The following ADAMTS7 variants were observed in gnomAD, a reference collection of about 807,000 sequenced individuals.
ADAMTS7 encodes the protein ADAM metallopeptidase with thrombospondin type 1 motif 7, also known as A disintegrin and metalloproteinase with thrombospondin motifs 7.
In ADAMTS7, 89 loss-of-function variants were observed where a neutral mutation model predicts 172.6. The ratio of observed to expected loss-of-function variants is 0.52; its 90% confidence interval spans 0.43 to 0.61. The LOEUF (loss-of-function observed/expected upper bound fraction) is 0.61. ADAMTS7 is among the 20% of genes least tolerant of loss of function. ADAMTS7 has a pLI of 0.00. For missense variants in ADAMTS7, 1,973 were observed against 2,355.6 expected, an observed-to-expected ratio of 0.84 and a Z score of 3.36; for synonymous variants, 885 against 978.4, an observed-to-expected ratio of 0.90 and a Z score of 1.78.
rs367561272 is a variant in ADAMTS7 at position 78,759,426 on chromosome 15, G to A, written c.5056C>T (p.Arg1686Cys). 52 of 1,593,062 alleles carry A rather than the reference G, an allele frequency of 3.3e-5. No individual in the cohort carries two copies. The highest frequency in any genetic ancestry group is 4.4e-5 in the South Asian group (4 of 89,918). ...PSRGHQRVAR[R>C] Reference sequence around the variant, plus strand: ...GTCTGTGCATCCTGGCGCAGTCAGCGGCGGGCAACCCGCTGATGGCCTCGG... The same window carrying A: ...GTCTGTGCATCCTGGCGCAGTCAGCAGCGGGCAACCCGCTGATGGCCTCGG... Residue 1686 changes from arginine (R) to cysteine (C), a missense_variant, in exon 24 of 24, where the codon CGC becomes TGC. Arg to Cys is a radical substitution (Grantham distance 180). Around this residue, in one of 8 missense-constraint regions of ADAMTS7, gnomAD observed 94 missense variants for 95.4 expected, o/e 0.99. Coordinates refer to ENST00000388820, the MANE Select transcript of ADAMTS7 (RefSeq NM_014272.5).
chr15:78,776,205 C>A lies in ADAMTS7; in HGVS notation c.1689G>T (p.Arg563=). 6.2e-7 allele frequency: 1 copy of A among 1,611,006 alleles called. No homozygotes were observed. Among genetic ancestry groups the A allele is most frequent in the Non-Finnish European group, 8.5e-7 (1 of 1,179,582 alleles). Residue 563 remains arginine (R), a synonymous_variant, in exon 11 of 24, where the codon CGG becomes CGT. Coordinates refer to ENST00000388820, the MANE Select transcript of ADAMTS7 (RefSeq NM_014272.5). ...ACACTCACGTAGGCTGCGTGCACTG[C>A]CGCTCGGCGCTCTGTACGCCCATGC... The part of the protein sequence containing the change: ...SCGMGVQSAE[R]QCTQPTPKYK...
intron 1 of ADAMTS7, among the ~76,000 whole-genome samples, chr15:78,807,034 T>C (rs545665726): frequency 6.6e-6 from 1 of 152,364 alleles, no homozygotes; most frequent in Non-Finnish European, 1.5e-5. Context: ...CCCAAAGTAC[T>C]GGGATTACAG....
chr15:78,763,016 G>T (rs78874784), intron 22 of ADAMTS7, among the ~76,000 whole-genome samples: 1,589 of 152,318 alleles, frequency 0.01, 56 homozygotes, highest in South Asian at 0.086. Flanking sequence ...AGCCCGCCAG[G>T]CTTCGTTGTT....
At position 78,782,092 on chromosome 15, in the gene ADAMTS7, T is replaced by C. The variant is rs865888917; in HGVS notation, c.1323-4504A>G. Reference sequence around the variant, plus strand: ...TGTCGCCCAAGCTGAACTGCAGTGGTGTGATCTTGGCTCACTGCAACCTCC... The same window carrying C: ...TGTCGCCCAAGCTGAACTGCAGTGGCGTGATCTTGGCTCACTGCAACCTCC... On this transcript the variant is annotated intron_variant, in intron 8 of 23. Coordinates refer to ENST00000388820, the MANE Select transcript of ADAMTS7 (RefSeq NM_014272.5). 7.9e-5 allele frequency among the ~76,000 whole-genome samples: 12 copies of C among 151,956 alleles called. No homozygotes were observed. In the Middle Eastern group the frequency reaches 0.014, roughly 172 times the overall value.
intron 1 of ADAMTS7, among the ~76,000 whole-genome samples, chr15:78,808,175 A>C (rs2055820733): frequency 6.6e-6 from 1 of 152,108 alleles, no homozygotes; most frequent in Non-Finnish European, 1.5e-5. Context: ...TTTTTCAATC[A>C]ACAATAAAAG....
chr15:78,774,209 C>T lies in ADAMTS7; in HGVS notation c.1968G>A (p.Gln656=). The T allele has an allele frequency of 6.3e-7, 1 of 1,590,332 alleles. No individual in the cohort carries two copies. The highest frequency in any genetic ancestry group is 1.1e-5 in the South Asian group (1 of 89,400). The change falls in exon 13 of 24, where the codon CAG becomes CAA. Residue 656 remains glutamine (Q), a synonymous_variant. Transcript: ENST00000388820. ...TGCAGAGGTCCCGGCTGGCTCGGAC[C>T]TGGTAGCAGGGGGTGCCATCGACCA... ...DAVVDGTPCY[Q]VRASRDLCIN... is the part of the protein sequence containing the mutation.
intron 16 of ADAMTS7, among the ~76,000 whole-genome samples, chr15:78,769,426 G>A (rs2055210924): frequency 1.3e-5 from 2 of 152,186 alleles, no homozygotes; most frequent in South Asian, 4.1e-4. Context: ...GACAGCAATG[G>A]GACCTGCTGA....
chr15:78,788,460 G>C, intron 7 of ADAMTS7, 86 bp from the exon 8 acceptor site: 1 of 1,516,062 alleles, frequency 6.6e-7, no homozygotes, highest in East Asian at 2.3e-5. Flanking sequence ...AAGGTGCGCA[G>C]TCCTAGTTCC....
In ADAMTS7 at chr15:78,771,729, C is replaced by T. The variant is rs149694045; in HGVS notation, c.2232G>A (p.Pro744=). Residue 744 remains proline (P), a synonymous_variant, in exon 15 of 24, where the codon CCG becomes CCA. Coordinates refer to ENST00000388820, the MANE Select transcript of ADAMTS7 (RefSeq NM_014272.5). The surrounding 1 kb of genome is among the most constrained non-coding windows in gnomAD (Gnocchi z 4.9). The part of the protein sequence containing the change: ...ANFLALRSED[P]EKYFLNGGWT... ...AGCCACCATTGAGGAAGTACTTCTC[C>T]GGGTCCTCGCTCCGCAGTGCCAGGA... 339 of 1,610,432 alleles carry T rather than the reference C, an allele frequency of 2.1e-4. 1 individual carries two copies. In the East Asian group the frequency reaches 6.0e-3, roughly 28 times the overall value.
chr15:78,797,894 C>T, intron 3 of ADAMTS7, 54 bp downstream of exon 3: 1 of 1,561,862 alleles, frequency 6.4e-7, no homozygotes, highest in Non-Finnish European at 8.6e-7. Flanking sequence ...AGAAAGGCCC[C>T]TTCATGTCCC....
At chr15:78,810,180 C>T (rs921558772) in intron 1 of ADAMTS7, among the ~76,000 whole-genome samples, 3 of 152,264 alleles carry the variant, frequency 2.0e-5, no homozygotes, top group Admixed American at 6.5e-5. Context: ...CCCACTCCCT[C>T]CACGCCCTTC....
At position 78,810,003 on chromosome 15, in the gene ADAMTS7, G is replaced by A. The variant is rs566475928; in HGVS notation, c.100+1118C>T. Among the ~76,000 whole-genome samples, 13 of 152,368 alleles carry A rather than the reference G, an allele frequency of 8.5e-5. No homozygotes were observed. In the South Asian group the frequency reaches 2.5e-3, roughly 29 times the overall value. Reference sequence around the variant, plus strand: ...TTCCAAAACACTGCTTTCATCAGCTGCTCCCCTCAACGGCTTCCCAAACCT... The same window carrying A: ...TTCCAAAACACTGCTTTCATCAGCTACTCCCCTCAACGGCTTCCCAAACCT... On this transcript the variant is annotated intron_variant, in intron 1 of 23. Coordinates refer to ENST00000388820, the MANE Select transcript of ADAMTS7 (RefSeq NM_014272.5).
At chr15:78,777,614 G>C (rs768846600) in intron 8 of ADAMTS7, 26 bp from the exon 9 acceptor site, 14 of 1,589,650 alleles carry the variant, frequency 8.8e-6, no homozygotes, top group Non-Finnish European at 8.6e-6. Flanking sequence ...GAGGATGGAG[G>C]GGGGCGCAGC....
chr15:78,789,070 G>A (rs16970103), intron 7 of ADAMTS7, among the ~76,000 whole-genome samples: 2,037 of 152,290 alleles, frequency 0.013, 42 homozygotes, highest in East Asian at 0.12. Flanking sequence ...TACGAAACCC[G>A]GACGTCTGAA....
At chr15:78,763,623 G>T in intron 22 of ADAMTS7, 76 bp downstream of exon 22, 2 of 1,473,512 alleles carry the variant, frequency 1.4e-6, no homozygotes, top group South Asian at 1.4e-5. Context: ...ACACTCCACA[G>T]CTCCTTCACC....
In ADAMTS7 at chr15:78,771,458, C is replaced by T. The variant is rs3825812; in HGVS notation, c.2376+127G>A. On this transcript the variant is annotated intron_variant, in intron 15 of 23. Coordinates refer to ENST00000388820, the MANE Select transcript of ADAMTS7 (RefSeq NM_014272.5). This position sits in a 1 kb window ranked among gnomAD's most constrained non-coding sequence, Gnocchi z 4.9. ...GAGGTAGAGGCCGCAGCAGGAGGGC[C>T]TGGCTCAGAGCCAGGCTCTGTGACT... is the stretch of plus-strand genomic sequence containing the variant. 1 of 1,537,008 alleles carries T rather than the reference C, an allele frequency of 6.5e-7. No individual in the cohort carries two copies. The highest frequency in any genetic ancestry group is 8.8e-7 in the Non-Finnish European group (1 of 1,141,970).
Position 78,763,732 on chromosome 15 carries a change from G to C in ADAMTS7, c.4707C>G (p.Pro1569=). 2 of 1,591,226 alleles carry C rather than the reference G, an allele frequency of 1.3e-6. No homozygotes were observed. The highest frequency in any genetic ancestry group is 1.7e-6 in the Non-Finnish European group (2 of 1,171,230). The change falls in exon 22 of 24, where the codon CCC becomes CCG. Residue 1569 remains proline, a synonymous_variant. Coordinates refer to ENST00000388820, the MANE Select transcript of ADAMTS7 (RefSeq NM_014272.5). ...PNTTRPCNTH[P]CTQWVVGPWG... ...AGGGCCCCACCACCCACTGCGTGCA[G>C]GGGTGGGTGTTGCAGGGCCGGGTGG...
At chr15:78,764,972 G>A in intron 19 of ADAMTS7, 1 of 384,640 alleles carries the variant, frequency 2.6e-6, no homozygotes, top group South Asian at 8.6e-5. Flanking sequence ...TGCAGAGGTG[G>A]GGGGAGGGGA....
rs141350702 is a variant in ADAMTS7, at chr15:78,793,756, C to T, written c.820-2533G>A. On this transcript the variant is annotated intron_variant, in intron 4 of 23. Coordinates refer to ENST00000388820, the MANE Select transcript of ADAMTS7 (RefSeq NM_014272.5). ...TCAGTCTTAAATAAACATCTGATCC[C>T]GAGGGAACATCTGTTCCCCATCCTT... 7.9e-5 allele frequency among the ~76,000 whole-genome samples: 12 copies of T among 152,272 alleles called. 1 individual carries two copies. Among genetic ancestry groups the T allele is most frequent in the Admixed American group, 3.9e-4 (6 of 15,298 alleles).
Sources: gnomAD v4.1 joint callset for allele counts (sites outside exome capture counted in the v4.1 genomes callset) on GRCh38, gnomAD v4.1.1 for gene constraint, gnomAD v4.1.1 regional missense constraint, Gnocchi (gnomAD v3.1) non-coding constraint, MANE v1.5 for transcripts, NCBI Gene and HGNC (gene_info 2026-07-23, HGNC 2026-07-21) for gene names.